The following CDH18 variants were observed in gnomAD, a reference collection of about 807,000 sequenced individuals.
The protein encoded by CDH18 is cadherin 18.
A neutral mutation model predicts 67.9 loss-of-function variants in CDH18; 31 were observed. That is an observed-to-expected ratio of 0.46 (90% CI 0.34 to 0.62). The LOEUF (loss-of-function observed/expected upper bound fraction) is 0.62. CDH18 is among the 20% of genes least tolerant of loss of function. The pLI, the probability that CDH18 is intolerant of heterozygous loss-of-function variation, is 0.01. For synonymous variants in CDH18, 362 were observed against 347.2 expected (o/e 1.04, Z -0.48); for missense variants, 890 against 975.5 (o/e 0.91, Z 1.17).
chr5:19,821,334 A>T (rs148791102), intron 3 of CDH18, among the ~76,000 whole-genome samples: 1 of 152,226 alleles, frequency 6.6e-6, no homozygotes, highest in East Asian at 1.9e-4. Flanking sequence ...AGACTAGACC[A>T]AGCTTAGAAA....
chr5:20,091,881 T>G (rs1462192426), intron 2 of CDH18, among the ~76,000 whole-genome samples: 1 of 152,084 alleles, frequency 6.6e-6, no homozygotes, highest in African/African-American at 2.4e-5. Context: ...AGATCAGGCA[T>G]AGTCAGAGGT....
intron 5 of CDH18, among the ~76,000 whole-genome samples, chr5:19,676,683 C>T (rs765875895): frequency 5.9e-5 from 9 of 151,900 alleles, no homozygotes; most frequent in South Asian, 2.1e-4. Context: ...AGCAATCCAC[C>T]GGGAAAGTGA....
chr5:19,592,351 C>G (rs1488063054), intron 6 of CDH18, among the ~76,000 whole-genome samples: 1 of 151,874 alleles, frequency 6.6e-6, no homozygotes. Context: ...TATTAAGAAG[C>G]ATAATGAACA....
At chr5:20,351,160 T>TTG (rs375375615) in intron 1 of CDH18, among the ~76,000 whole-genome samples, 23,898 of 131,942 alleles carry the variant, frequency 0.18, 2,043 homozygotes, top group Non-Finnish European at 0.2. Context: ...GTAAATGTAT[T>TTG]TGTGTGTGTG....
At chr5:19,685,295 T>C (rs999198917) in intron 5 of CDH18, among the ~76,000 whole-genome samples, 1 of 152,172 alleles carries the variant, frequency 6.6e-6, no homozygotes, top group African/African-American at 2.4e-5. Context: ...GCTGGTCAGG[T>C]GACTCTACTA....
chr5:20,018,865 AC>A (rs1372747181), intron 2 of CDH18, among the ~76,000 whole-genome samples: 1 of 140,576 alleles, frequency 7.1e-6, no homozygotes, highest in East Asian at 3.5e-4. Context: ...CGCGATCTCG[AC>A]TCACTGCAAG....
At chr5:20,040,491 T>C (rs1002421266) in intron 2 of CDH18, among the ~76,000 whole-genome samples, 1 of 152,146 alleles carries the variant, frequency 6.6e-6, no homozygotes, top group Admixed American at 6.6e-5. Flanking sequence ...GTGTAACGTT[T>C]TGAAATATGT....
chr5:20,063,208 G>A (rs1488101225), intron 2 of CDH18, among the ~76,000 whole-genome samples: 2 of 150,444 alleles, frequency 1.3e-5, no homozygotes, highest in Non-Finnish European at 3.0e-5. Context: ...TAAATTTCAT[G>A]GAGAAGTATT....
chr5:20,420,543 TG>T (rs1168491442), intron 1 of CDH18, among the ~76,000 whole-genome samples: 2 of 151,216 alleles, frequency 1.3e-5, no homozygotes, highest in Admixed American at 1.3e-4. Flanking sequence ...GATAAATACT[TG>T]TGAAATAAAA....
At chr5:19,849,930 T>C (rs1185019954) in intron 2 of CDH18, among the ~76,000 whole-genome samples, 1 of 151,696 alleles carries the variant, frequency 6.6e-6, no homozygotes, top group Non-Finnish European at 1.5e-5. Flanking sequence ...ATTGAAGTCA[T>C]TTGTCTCAGA....
chr5:19,952,475 A>C (rs1024362890), intron 2 of CDH18, among the ~76,000 whole-genome samples: 1 of 152,164 alleles, frequency 6.6e-6, no homozygotes. Flanking sequence ...CTCTGCTGTC[A>C]ATCCAAAGCC....
chr5:20,494,008 T>A (rs1475613508), intron 1 of CDH18, among the ~76,000 whole-genome samples: 2 of 150,606 alleles, frequency 1.3e-5, no homozygotes, highest in African/African-American at 2.4e-5. Flanking sequence ...CTTTGGGAGA[T>A]CAAGGTGGGT....
rs567369582 is a variant in CDH18 at position 19,701,612 on chromosome 5, T to C, written c.643+19735A>G. On this transcript the variant is annotated intron_variant, in intron 5 of 12. Coordinates refer to ENST00000382275, the MANE Select transcript of CDH18 (RefSeq NM_004934.5). The stretch of plus-strand genomic sequence containing the variant: ...CCCCCGAAGTCCTGTATTAACAGTG[T>C]TTGGGGGCAATGAAGGCATATTGGC... Among the ~76,000 whole-genome samples, 44 of 152,208 alleles carry C rather than the reference T, an allele frequency of 2.9e-4. 1 individual carries two copies. The South Asian group carries it at 9.1e-3, about 32-fold the overall frequency.
intron 2 of CDH18, among the ~76,000 whole-genome samples, chr5:19,926,852 T>C (rs1264896790): frequency 6.6e-6 from 1 of 152,092 alleles, no homozygotes; most frequent in Non-Finnish European, 1.5e-5. Context: ...GATATAAATA[T>C]GTATATAGAT....
intron 1 of CDH18, chr5:20,305,470 C>T: frequency 7.4e-7 from 1 of 1,347,052 alleles, no homozygotes; most frequent in Non-Finnish European, 1.1e-6. Flanking sequence ...TCCTCAGCGG[C>T]CGCCGCTGCA....
chr5:20,189,431 T>C (rs79984660), intron 2 of CDH18, among the ~76,000 whole-genome samples: 3,104 of 152,262 alleles, frequency 0.02, 56 homozygotes, highest in Non-Finnish European at 0.033. Context: ...ATTCAAATGA[T>C]AACAATAGTT....
chr5:20,388,911 G>C (rs11768084), intron 1 of CDH18, among the ~76,000 whole-genome samples: 33 of 152,288 alleles, frequency 2.2e-4, no homozygotes, highest in African/African-American at 7.9e-4. Context: ...ACTGTGGTCT[G>C]AGAGACAGTT....
intron 10 of CDH18, among the ~76,000 whole-genome samples, chr5:19,506,937 TGAAA>T (rs1332961246): frequency 2.0e-5 from 3 of 151,738 alleles, no homozygotes; most frequent in Non-Finnish European, 4.4e-5. Flanking sequence ...TTCTGCACAG[TGAAA>T]GAAACTACCA....
At chr5:20,200,141 C>T (rs1040562688) in intron 2 of CDH18, among the ~76,000 whole-genome samples, 8 of 152,158 alleles carry the variant, frequency 5.3e-5, no homozygotes, top group Admixed American at 2.6e-4. Flanking sequence ...TTCAGACATA[C>T]AGACTCTTTT....
Sources: allele counts gnomAD v4.1 joint callset (sites outside exome capture counted in the v4.1 genomes callset), GRCh38; gene constraint gnomAD v4.1.1; transcripts MANE v1.5; gene names NCBI Gene and HGNC (gene_info 2026-07-23, HGNC 2026-07-21).